LHFPL6: variants seen among roughly 807,000 people sequenced by gnomAD.
LHFPL6 encodes LHFPL tetraspan subfamily member 6, also known as LHFPL tetraspan subfamily member 6 protein.
A neutral mutation model predicts 20.6 loss-of-function variants in LHFPL6; 9 were observed. The ratio of observed to expected loss-of-function variants is 0.44; its 90% CI spans 0.26 to 0.76. The LOEUF is 0.76. Ranked by LOEUF, LHFPL6 falls within the 30% of genes least tolerant of loss-of-function variation. The pLI is 0.20. For missense variants in LHFPL6, 218 were observed against 253.5 expected (o/e 0.86, Z 0.95); for synonymous variants, 105 against 98.7 (o/e 1.06, Z -0.38).
intron 2 of LHFPL6, among the ~76,000 whole-genome samples, chr13:39,507,911 T>C (rs7983527): frequency 2.8e-4 from 8 of 28,098 alleles, no homozygotes; most frequent in South Asian, 1.3e-3. Flanking sequence ...TCCTCCCTTC[T>C]TTCCTTCCCT....
chr13:39,372,116 G>C (rs900104424), intron 3 of LHFPL6, among the ~76,000 whole-genome samples: 11 of 152,010 alleles, frequency 7.2e-5, no homozygotes, highest in African/African-American at 2.7e-4. Context: ...CTCCTGCCTT[G>C]CTATAATAAG....
At chr13:39,535,524 A>C (rs1240985788) in intron 2 of LHFPL6, among the ~76,000 whole-genome samples, 2 of 152,234 alleles carry the variant, frequency 1.3e-5, no homozygotes, top group Non-Finnish European at 1.5e-5. Context: ...AACTTAGATA[A>C]AAATTCAAAA....
chr13:39,369,494 G>T (rs1303016011), intron 3 of LHFPL6, among the ~76,000 whole-genome samples: 2 of 150,940 alleles, frequency 1.3e-5, no homozygotes, highest in East Asian at 3.9e-4. Context: ...ATTCTTGGTA[G>T]GATATCAGTG....
chr13:39,497,242 G>A (rs7322026), intron 2 of LHFPL6, among the ~76,000 whole-genome samples: 47,058 of 151,654 alleles, frequency 0.31, 7,705 homozygotes, highest in Middle Eastern at 0.42. Flanking sequence ...GTAAAAAATC[G>A]GCTATCACAA....
chr13:39,471,265 G>A lies in LHFPL6; in HGVS notation c.386-92739C>T, dbSNP rs150612105. Among the ~76,000 whole-genome samples, 761 of 152,282 alleles carry A rather than the reference G, an allele frequency of 5.0e-3. 9 individuals carry two copies. Among genetic ancestry groups the A allele is most frequent in the African/African-American group, 0.017 (716 of 41,558 alleles). On this transcript the variant is annotated intron_variant, in intron 2 of 3. Transcript: ENST00000379589. ...GAGAAAGCTACATCAGACAAAGGAG[G>A]CATGAATTTCTATCATTTCCACCTT...
intron 3 of LHFPL6, among the ~76,000 whole-genome samples, chr13:39,368,117 G>A (rs1405382006): frequency 1.3e-5 from 2 of 151,502 alleles, no homozygotes; most frequent in Non-Finnish European, 2.9e-5. Context: ...CTCACTTGAG[G>A]CCAGGAGTTC....
At chr13:39,556,596 C>T (rs550898900) in intron 2 of LHFPL6, among the ~76,000 whole-genome samples, 3 of 152,224 alleles carry the variant, frequency 2.0e-5, no homozygotes, top group East Asian at 1.9e-4. Flanking sequence ...CAAGAAGTGG[C>T]CTAGTGGCTT....
At chr13:39,458,335 G>T (rs113921825) in intron 2 of LHFPL6, among the ~76,000 whole-genome samples, 184 of 152,188 alleles carry the variant, frequency 1.2e-3, no homozygotes, top group African/African-American at 4.2e-3. Context: ...AACAGGGGAA[G>T]AACTGAGCAA....
At chr13:39,395,274 T>C (rs1232098024) in intron 2 of LHFPL6, among the ~76,000 whole-genome samples, 1 of 152,206 alleles carries the variant, frequency 6.6e-6, no homozygotes, top group Non-Finnish European at 1.5e-5. Flanking sequence ...CACAACATCA[T>C]GTTTATCTCC....
chr13:39,418,977 C>T (rs993082726), intron 2 of LHFPL6, among the ~76,000 whole-genome samples: 27 of 152,280 alleles, frequency 1.8e-4, no homozygotes, highest in African/African-American at 6.5e-4. Context: ...CACAGATTCA[C>T]CTTCCTTAAA....
intron 2 of LHFPL6, among the ~76,000 whole-genome samples, chr13:39,520,430 T>A (rs1390431503): frequency 6.6e-6 from 1 of 151,638 alleles, no homozygotes; most frequent in Non-Finnish European, 1.5e-5. Context: ...TCAGGAAGAG[T>A]GCTGTATGGA....
intron 2 of LHFPL6, among the ~76,000 whole-genome samples, chr13:39,512,474 C>A (rs1869748722): frequency 6.6e-6 from 1 of 151,936 alleles, no homozygotes; most frequent in Non-Finnish European, 1.5e-5. Flanking sequence ...TGGTGGCGGG[C>A]CCCTGTAGTC....
At chr13:39,424,401 C>G (rs934632487) in intron 2 of LHFPL6, among the ~76,000 whole-genome samples, 1 of 152,040 alleles carries the variant, frequency 6.6e-6, no homozygotes, top group Non-Finnish European at 1.5e-5. Context: ...AAATGAGAAA[C>G]ACCAGGTAGG....
At chr13:39,363,963 T>C (rs1053100904) in intron 3 of LHFPL6, among the ~76,000 whole-genome samples, 39 of 152,240 alleles carry the variant, frequency 2.6e-4, no homozygotes, top group African/African-American at 9.2e-4. Context: ...ATTTTGTCAT[T>C]GTGCAAACAT....
intron 2 of LHFPL6, among the ~76,000 whole-genome samples, chr13:39,438,331 A>C (rs1872021112): frequency 1.3e-5 from 2 of 152,200 alleles, no homozygotes; most frequent in Admixed American, 6.5e-5. Context: ...TCAAGATGTG[A>C]CCTGGTTGCT....
rs566067136 is a variant in LHFPL6, at chr13:39,360,858, T to C, written c.485-16804A>G. On this transcript the variant is annotated intron_variant, in intron 3 of 3. Transcript: ENST00000379589. ...CCACAAAAATTTTGCTGAAGAGCCA[T>C]AGTTTTCATTTGCTCTGTTGAATCT... Among the ~76,000 whole-genome samples the C allele has an allele frequency of 2.1e-5, 2 of 96,894 alleles. 1 individual carries two copies. 63.6% of individuals were successfully genotyped at this position (96,894 alleles called of 152,430 possible). A position where few individuals can be genotyped will look rare whatever the true frequency, so the allele number is the denominator to read the frequency against.
At chr13:39,360,082 A>G (rs8001260) in intron 3 of LHFPL6, among the ~76,000 whole-genome samples, 27,373 of 76,514 alleles carry the variant, frequency 0.36, 7,137 homozygotes, top group East Asian at 0.48. Context: ...GTGCAGTGGC[A>G]CGATCTCTGC....
chr13:39,527,669 C>T (rs910229146), intron 2 of LHFPL6, among the ~76,000 whole-genome samples: 1 of 151,872 alleles, frequency 6.6e-6, no homozygotes, highest in Non-Finnish European at 1.5e-5. Flanking sequence ...TTTTATAGTA[C>T]CTGGGCTCCT....
intron 2 of LHFPL6, among the ~76,000 whole-genome samples, chr13:39,441,636 C>T (rs748987769): frequency 2.4e-4 from 37 of 151,904 alleles, no homozygotes; most frequent in Middle Eastern, 3.2e-3. Context: ...CCTCAGCCTC[C>T]CAAGTAGCTA....
Sources: allele counts gnomAD v4.1 joint callset (sites outside exome capture counted in the v4.1 genomes callset), GRCh38; gene constraint gnomAD v4.1.1; transcripts MANE v1.5; gene names NCBI Gene and HGNC (gene_info 2026-07-23, HGNC 2026-07-21).